Variants in KCNAB1 observed in about 807,000 individuals in gnomAD.
KCNAB1 encodes the protein voltage-gated potassium channel subunit beta-1.
KCNAB1 carries 35 observed loss-of-function variants against 64.6 expected under a neutral mutation model. That is an observed-to-expected ratio of 0.54 (90% CI 0.41 to 0.72). The LOEUF (loss-of-function observed/expected upper bound fraction) is 0.72. KCNAB1 is among the 30% of genes least tolerant of loss of function. The pLI is 0.00. For synonymous variants in KCNAB1, 177 were observed against 183.8 expected (o/e 0.96, Z 0.30); for missense variants, 401 against 512.9 (o/e 0.78, Z 2.11).
chr3:156,216,768 C>G (rs1173408445), intron 1 of KCNAB1, among the ~76,000 whole-genome samples: 1 of 152,098 alleles, frequency 6.6e-6, no homozygotes, highest in East Asian at 1.9e-4. Context: ...TTTATCCCTG[C>G]TTGACAGATG....
At chr3:156,469,814 T>A (rs1439250983) in intron 7 of KCNAB1, among the ~76,000 whole-genome samples, 1 of 152,226 alleles carries the variant, frequency 6.6e-6, no homozygotes, top group African/African-American at 2.4e-5. Context: ...CTAGGCAGGC[T>A]GAAATTAGGG....
At chr3:156,243,350 G>A (rs947091728) in intron 1 of KCNAB1, among the ~76,000 whole-genome samples, 1 of 152,058 alleles carries the variant, frequency 6.6e-6, no homozygotes, top group Admixed American at 6.5e-5. Flanking sequence ...TCAGCCTCCT[G>A]AATAGCTGGG....
In KCNAB1 at chr3:156,148,026, C is replaced by T. The variant is rs538306911; in HGVS notation, c.275+27140C>T. On this transcript the variant is annotated intron_variant, in intron 1 of 13. Coordinates refer to ENST00000490337, the MANE Select transcript of KCNAB1 (RefSeq NM_172160.3). Reference sequence around the variant, plus strand: ...ATACTGCAGATCCAGCCATATTCACCGTCCTGCTCTGTCTACTTTTCCAGG... The same window carrying T: ...ATACTGCAGATCCAGCCATATTCACTGTCCTGCTCTGTCTACTTTTCCAGG... Among the ~76,000 whole-genome samples the T allele has an allele frequency of 9.7e-4, 147 of 152,042 alleles. 1 individual carries two copies. The highest frequency in any genetic ancestry group is 3.1e-3 in the African/African-American group (127 of 41,474).
intron 8 of KCNAB1, among the ~76,000 whole-genome samples, chr3:156,510,711 G>A (rs571727898): frequency 6.6e-6 from 1 of 152,138 alleles, no homozygotes; most frequent in South Asian, 2.1e-4. Context: ...GTCTGCAGTG[G>A]TCTCCCTACA....
At chr3:156,358,191 T>A (rs1486511380) in intron 1 of KCNAB1, among the ~76,000 whole-genome samples, 1 of 152,166 alleles carries the variant, frequency 6.6e-6, no homozygotes, top group Non-Finnish European at 1.5e-5. Context: ...TCACTGGAGA[T>A]GGATTTATTT....
chr3:156,298,551 C>G (rs531099945), intron 1 of KCNAB1, among the ~76,000 whole-genome samples: 1 of 152,228 alleles, frequency 6.6e-6, no homozygotes, highest in South Asian at 2.1e-4. Context: ...AAATCAGATT[C>G]CTAAATTTCA....
intron 1 of KCNAB1, among the ~76,000 whole-genome samples, chr3:156,148,371 A>T (rs1334698014): frequency 2.0e-5 from 3 of 152,242 alleles, no homozygotes; most frequent in Non-Finnish European, 4.4e-5. Context: ...ATGCCTTTGC[A>T]CTTAGAAAGT....
At position 156,463,589 on chromosome 3, in the gene KCNAB1, TA is replaced by T. The variant is rs570268937; in HGVS notation, c.483-109del. On this transcript the variant is annotated intron_variant, in intron 5 of 13. Coordinates refer to ENST00000490337, the MANE Select transcript of KCNAB1 (RefSeq NM_172160.3). ...ACAAATTTACCTCTTTACCAATTTT[TA>T]AAATGTGAGGTATAATAACAAATTC... The T allele has an allele frequency of 4.6e-4, 395 of 863,842 alleles. 2 individuals are homozygous for T. In the African/African-American group the frequency reaches 6.4e-3, roughly 14 times the overall value. 53.5% of individuals were successfully genotyped at this position (863,842 alleles called of 1,614,324 possible).
At chr3:156,254,747 T>G (rs1374761295) in intron 1 of KCNAB1, among the ~76,000 whole-genome samples, 2 of 152,180 alleles carry the variant, frequency 1.3e-5, no homozygotes, top group Non-Finnish European at 2.9e-5. Context: ...GACTTTGACT[T>G]CCTATCCATC....
chr3:156,222,474 A>G (rs1715840503), intron 1 of KCNAB1, among the ~76,000 whole-genome samples: 1 of 152,220 alleles, frequency 6.6e-6, no homozygotes, highest in Admixed American at 6.5e-5. Flanking sequence ...CAACACCATA[A>G]TAGTGGGGGA....
chr3:156,397,181 C>T (rs1194388477), intron 1 of KCNAB1, among the ~76,000 whole-genome samples: 1 of 152,218 alleles, frequency 6.6e-6, no homozygotes, highest in African/African-American at 2.4e-5. Flanking sequence ...AAAATCCCCA[C>T]TTCAAAACTC....
At chr3:156,282,880 T>G (rs536237493) in intron 1 of KCNAB1, among the ~76,000 whole-genome samples, 224 of 151,840 alleles carry the variant, frequency 1.5e-3, no homozygotes, top group Non-Finnish European at 2.6e-3. Context: ...GAGATGGGTT[T>G]CCTGAATACA....
intron 10 of KCNAB1, 41 bp downstream of exon 10, chr3:156,515,261 A>C (rs1309211860): frequency 6.4e-7 from 1 of 1,561,714 alleles, no homozygotes; most frequent in Non-Finnish European, 8.7e-7. Flanking sequence ...TTTTAACAAG[A>C]GAAAGATCAC....
intron 1 of KCNAB1, among the ~76,000 whole-genome samples, chr3:156,190,033 A>G (rs996246723): frequency 2.4e-4 from 36 of 152,232 alleles, no homozygotes; most frequent in Non-Finnish European, 4.7e-4. Context: ...GAAAATTTGT[A>G]CAAGTATACA....
chr3:156,260,139 C>T (rs184518053), intron 1 of KCNAB1, among the ~76,000 whole-genome samples: 108 of 152,270 alleles, frequency 7.1e-4, no homozygotes, highest in Admixed American at 1.8e-3. Flanking sequence ...TCTACAGCAG[C>T]TTGTAATGAA....
At chr3:156,225,084 C>T (rs774475655) in intron 1 of KCNAB1, among the ~76,000 whole-genome samples, 36 of 152,096 alleles carry the variant, frequency 2.4e-4, no homozygotes, top group Non-Finnish European at 4.3e-4. Context: ...GCCAGAATCA[C>T]CCTAATACCA....
At chr3:156,153,769 G>A (rs545681045) in intron 1 of KCNAB1, among the ~76,000 whole-genome samples, 2 of 152,294 alleles carry the variant, frequency 1.3e-5, no homozygotes, top group East Asian at 3.9e-4. Context: ...GAGCCTTCCG[G>A]CTTTTGGGTC....
At chr3:156,161,596 GT>G (rs985113283) in intron 1 of KCNAB1, among the ~76,000 whole-genome samples, 36 of 152,110 alleles carry the variant, frequency 2.4e-4, no homozygotes, top group African/African-American at 7.9e-4. Flanking sequence ...TAGTAATTCA[GT>G]TTCGTCCATA....
rs191426397 is a variant in KCNAB1 at position 156,514,729 on chromosome 3, C to T, written c.744+280C>T. Reference sequence around the variant, plus strand: ...AGTATTCTAGTTTTCTTATAAAAAACTGTATTAACTATACTGTTTATACCA... The same window carrying T: ...AGTATTCTAGTTTTCTTATAAAAAATTGTATTAACTATACTGTTTATACCA... On this transcript the variant is annotated intron_variant, in intron 9 of 13. Transcript: ENST00000490337. Among the ~76,000 whole-genome samples the T allele has an allele frequency of 5.3e-3, 805 of 152,348 alleles. 3 individuals carry two copies. The highest frequency in any genetic ancestry group is 0.024 in the Middle Eastern group (7 of 294).
Sources: allele counts gnomAD v4.1 joint callset (sites outside exome capture counted in the v4.1 genomes callset), GRCh38; gene constraint gnomAD v4.1.1; transcripts MANE v1.5; gene names NCBI Gene and HGNC (gene_info 2026-07-23, HGNC 2026-07-21).